Variants in LDAH observed in about 807,000 individuals in gnomAD.
LDAH encodes lipid droplet associated hydrolase.
LDAH carries 26 observed loss-of-function variants against 29.6 expected under a neutral mutation model. The observed-to-expected ratio is 0.88, with a 90% CI of 0.64 to 1.22. LDAH has a LOEUF of 1.22. LDAH is among the 50% of genes most tolerant of loss of function. The pLI, the probability that LDAH is intolerant of heterozygous loss-of-function variation, is 0.00. For missense variants in LDAH, 344 were observed against 387.3 expected (o/e 0.89, Z 0.94); for synonymous variants, 117 against 133.0 (o/e 0.88, Z 0.83).
rs1371806761 is a variant in LDAH, at chr2:20,686,968, G to A, written c.913C>T (p.His305Tyr). The part of the protein sequence containing the change: ...EKNIPHAFIT[H>Y]FNQEMADMIA... The stretch of plus-strand genomic sequence containing the variant: ...ATGTCTGCCATTTCCTGGTTAAAAT[G>A]GGTGATGAAAGCATGAGGTATGTTT... The change falls in exon 7 of 7, where the codon CAT becomes TAT. Residue 305 changes from histidine (H) to tyrosine (Y), a missense_variant. His to Tyr is a moderately conservative substitution (Grantham distance 83). Coordinates refer to ENST00000237822, the MANE Select transcript of LDAH (RefSeq NM_021925.4). 6.2e-7 allele frequency: 1 copy of A among 1,614,056 alleles called. No individual in the cohort carries two copies. Among genetic ancestry groups the A allele is most frequent in the Non-Finnish European group, 8.5e-7 (1 of 1,179,982 alleles).
rs1662465616 is a variant in LDAH at position 20,685,052 on chromosome 2, C to T, written c.*1851G>A. On this transcript the variant is annotated 3_prime_UTR_variant, in exon 7 of 7. Coordinates refer to ENST00000237822, the MANE Select transcript of LDAH (RefSeq NM_021925.4). ...ACACAGAGATCAGGCCAGACCAGGT[C>T]AGAAATGCTGGTAAAACATTTATTT... 1 of 1,125,978 alleles carries T rather than the reference C, an allele frequency of 8.9e-7. No homozygotes were observed. The highest frequency in any genetic ancestry group is 1.6e-5 in the African/African-American group (1 of 62,426). The allele number at this position is 1,125,978 out of a possible 1,614,324, so 69.7% of individuals were successfully genotyped here. A position where few individuals can be genotyped will look rare whatever the true frequency, so the allele number is the denominator to read the frequency against.
At chr2:20,708,948 G>T (rs1306253780) in intron 5 of LDAH, among the ~76,000 whole-genome samples, 1 of 152,104 alleles carries the variant, frequency 6.6e-6, no homozygotes, top group Non-Finnish European at 1.5e-5. Context: ...AATATATAAA[G>T]AACTCTTACA....
At chr2:20,734,923 G>A (rs1257048072) in intron 5 of LDAH, among the ~76,000 whole-genome samples, 2 of 152,142 alleles carry the variant, frequency 1.3e-5, no homozygotes, top group Non-Finnish European at 2.9e-5. Context: ...TGGATTAATA[G>A]TTATTTTCAT....
chr2:20,758,680 G>A (rs935347887), intron 4 of LDAH, among the ~76,000 whole-genome samples: 5 of 152,184 alleles, frequency 3.3e-5, no homozygotes, highest in African/African-American at 1.2e-4. Flanking sequence ...GAAGAATCAG[G>A]AAAGAGTTCA....
chr2:20,729,238 C>T (rs1355103282), intron 5 of LDAH, among the ~76,000 whole-genome samples: 2 of 152,076 alleles, frequency 1.3e-5, no homozygotes, highest in Non-Finnish European at 2.9e-5. Context: ...GCTTTTGGAG[C>T]CTACTTCTCC....
intron 5 of LDAH, among the ~76,000 whole-genome samples, chr2:20,709,417 A>C (rs1664537504): frequency 1.3e-5 from 2 of 152,182 alleles, no homozygotes; most frequent in Non-Finnish European, 2.9e-5. Flanking sequence ...AAAGATGTTC[A>C]ACATCATTAG....
chr2:20,774,292 T>G (rs1017380633), intron 4 of LDAH, among the ~76,000 whole-genome samples: 4 of 152,320 alleles, frequency 2.6e-5, no homozygotes, highest in Middle Eastern at 3.4e-3. Flanking sequence ...TTGCAAGCAT[T>G]TGTGAATATG....
chr2:20,709,582 T>C (rs1350635020), intron 5 of LDAH, among the ~76,000 whole-genome samples: 3 of 152,188 alleles, frequency 2.0e-5, no homozygotes, highest in Non-Finnish European at 2.9e-5. Context: ...ACAGGAACTT[T>C]GGAAAACTGT....
intron 5 of LDAH, among the ~76,000 whole-genome samples, chr2:20,713,183 C>T (rs1378122684): frequency 2.6e-5 from 4 of 152,188 alleles, no homozygotes; most frequent in East Asian, 1.9e-4. Flanking sequence ...AGACTAACAG[C>T]GGATCTCTCA....
intron 5 of LDAH, among the ~76,000 whole-genome samples, chr2:20,739,674 T>C (rs1418455719): frequency 6.6e-6 from 1 of 152,298 alleles, no homozygotes; most frequent in East Asian, 1.9e-4. Flanking sequence ...AGGATTCCTG[T>C]AGGGACTCCA....
At chr2:20,691,070 C>T (rs1237395883) in intron 6 of LDAH, among the ~76,000 whole-genome samples, 1 of 152,140 alleles carries the variant, frequency 6.6e-6, no homozygotes, top group African/African-American at 2.4e-5. Flanking sequence ...AGTAAATAGA[C>T]CCGTTATAAA....
At chr2:20,727,608 C>A (rs374627323) in intron 5 of LDAH, among the ~76,000 whole-genome samples, 1 of 152,034 alleles carries the variant, frequency 6.6e-6, no homozygotes, top group Non-Finnish European at 1.5e-5. Context: ...AACGAAAAGA[C>A]CCTAGAATAT....
chr2:20,780,690 G>T (rs1412278870), intron 3 of LDAH, among the ~76,000 whole-genome samples: 1 of 152,168 alleles, frequency 6.6e-6, no homozygotes, highest in Admixed American at 6.5e-5. Flanking sequence ...TGTTATGGAC[G>T]TTAACTGCAA....
intron 2 of LDAH, among the ~76,000 whole-genome samples, chr2:20,801,086 A>AC (rs1671627480): frequency 6.9e-6 from 1 of 144,434 alleles, no homozygotes; most frequent in Non-Finnish European, 1.5e-5. Flanking sequence ...ACTGTGACAC[A>AC]AACACACACA....
chr2:20,801,962 G>A (rs113647427), intron 1 of LDAH, among the ~76,000 whole-genome samples: 56 of 138,120 alleles, frequency 4.1e-4, no homozygotes, highest in African/African-American at 1.6e-3. Flanking sequence ...GTGTGTATGT[G>A]TGTGTGTGTG....
chr2:20,791,508 T>A (rs1376876069), intron 2 of LDAH, among the ~76,000 whole-genome samples: 1 of 152,238 alleles, frequency 6.6e-6, no homozygotes, highest in Non-Finnish European at 1.5e-5. Context: ...CATATTATTT[T>A]GCTTCTGTTG....
At chr2:20,760,380 A>C (rs776390917) in intron 4 of LDAH, among the ~76,000 whole-genome samples, 2 of 152,206 alleles carry the variant, frequency 1.3e-5, no homozygotes, top group Non-Finnish European at 2.9e-5. Flanking sequence ...TATGTAATAA[A>C]TTACTAAAAC....
At position 20,790,307 on chromosome 2, in the gene LDAH, A is replaced by G. The variant is rs1670858302; in HGVS notation, c.246T>C (p.His82=). The change falls in exon 3 of 7, where the codon CAT becomes CAC. Residue 82 remains histidine, a synonymous_variant. Coordinates refer to ENST00000237822, the MANE Select transcript of LDAH (RefSeq NM_021925.4). ...CTTTGGGAGCCAACGCATGCCCAGC[A>G]TGACTGATAGTCCAAACTGGAAAGC... The part of the protein sequence containing the change: ...NRRFPVWTIS[H]AGHALAPKDK... 1 of 1,614,050 alleles carries G rather than the reference A, an allele frequency of 6.2e-7. No homozygotes were observed. Among genetic ancestry groups the G allele is most frequent in the Non-Finnish European group, 8.5e-7 (1 of 1,179,984 alleles).
intron 5 of LDAH, among the ~76,000 whole-genome samples, chr2:20,715,426 A>C (rs1381733938): frequency 6.6e-6 from 1 of 152,204 alleles, no homozygotes; most frequent in African/African-American, 2.4e-5. Context: ...CCAGTATCAC[A>C]CTGAATGGGC....
Sources: gnomAD v4.1 joint callset for allele counts (sites outside exome capture counted in the v4.1 genomes callset) on GRCh38, gnomAD v4.1.1 for gene constraint, MANE v1.5 for transcripts, NCBI Gene and HGNC (gene_info 2026-07-23, HGNC 2026-07-21) for gene names.